The following TASP1 variants were observed in gnomAD, a reference collection of about 807,000 sequenced individuals.
The protein encoded by TASP1 is threonine aspartase 1.
A neutral mutation model predicts 56.6 loss-of-function variants in TASP1; 16 were observed. That is an observed-to-expected ratio of 0.28 (90% CI 0.19 to 0.43). The LOEUF is 0.43. TASP1 is among the 20% of genes least tolerant of loss of function. The probability of loss-of-function intolerance (pLI) is 1.00; values close to 1 mark genes in which losing one functional copy is unlikely to be tolerated. For synonymous variants in TASP1, 179 were observed against 184.2 expected, an observed-to-expected ratio of 0.97 and a Z score of 0.23; for missense variants, 393 against 511.6, an observed-to-expected ratio of 0.77 and a Z score of 2.24.
chr20:13,555,539 A>G (rs1181065507), intron 8 of TASP1, among the ~76,000 whole-genome samples: 1 of 152,168 alleles, frequency 6.6e-6, no homozygotes, highest in African/African-American at 2.4e-5. Context: ...ATGAGATTGT[A>G]GCAATTCAAG....
chr20:13,221,548 G>C, the TASP1 span, among the ~76,000 whole-genome samples: 3 of 144,072 alleles, frequency 2.1e-5, no homozygotes, highest in Non-Finnish European at 4.6e-5. Flanking sequence ...TGGCTCCGCC[G>C]TGGTGCGGCG....
At chr20:13,476,967 T>C (rs1164835264) in intron 11 of TASP1, among the ~76,000 whole-genome samples, 2 of 152,052 alleles carry the variant, frequency 1.3e-5, no homozygotes, top group South Asian at 2.1e-4. Context: ...AATATGCTTA[T>C]CAAATATGAA....
rs955822616 is a variant in TASP1, at chr20:13,417,317, G to A, written c.1170+131C>T. On this transcript the variant is annotated intron_variant, in intron 13 of 13. Coordinates refer to ENST00000337743, the MANE Select transcript of TASP1 (RefSeq NM_017714.3). ...TTAGCATTGTTAACTGTTCTTATTC[G>A]GATGCTTATGAAGACCACAAAGCTA... The A allele has an allele frequency of 1.4e-5, 11 of 771,940 alleles. No homozygotes were observed. In the African/African-American group the frequency reaches 1.6e-4, roughly 11 times the overall value. The allele number at this position is 771,940 out of a possible 1,614,324, so 47.8% of individuals were successfully genotyped here. A position where few individuals can be genotyped will look rare whatever the true frequency, so the allele number is the denominator to read the frequency against.
At chr20:13,274,366 C>T in the TASP1 span, among the ~76,000 whole-genome samples, 1 of 152,192 alleles carries the variant, frequency 6.6e-6, no homozygotes, top group Non-Finnish European at 1.5e-5. Context: ...CATTCCCTCT[C>T]CCTGGGTAGC....
At chr20:13,194,310 A>T in the TASP1 span, among the ~76,000 whole-genome samples, 1 of 151,924 alleles carries the variant, frequency 6.6e-6, no homozygotes, top group African/African-American at 2.4e-5. Flanking sequence ...AGGTGAATAC[A>T]TTGTGCAAAA....
intron 11 of TASP1, among the ~76,000 whole-genome samples, chr20:13,482,500 T>C (rs2043177139): frequency 6.6e-6 from 1 of 152,226 alleles, no homozygotes; most frequent in South Asian, 2.1e-4. Flanking sequence ...TTGGGTACTA[T>C]GGACATTTTA....
At chr20:13,584,083 C>A (rs1044544295) in intron 5 of TASP1, among the ~76,000 whole-genome samples, 2 of 151,976 alleles carry the variant, frequency 1.3e-5, no homozygotes, top group Non-Finnish European at 2.9e-5. Context: ...GACTCCATCT[C>A]AAAAATAAAT....
intron 10 of TASP1, among the ~76,000 whole-genome samples, chr20:13,496,672 G>T (rs918339606): frequency 3.9e-5 from 6 of 152,076 alleles, no homozygotes; most frequent in African/African-American, 1.4e-4. Flanking sequence ...GCCAAAAGAT[G>T]GACAATTTTA....
At chr20:13,123,105 C>T in the TASP1 span, among the ~76,000 whole-genome samples, 29 of 152,178 alleles carry the variant, frequency 1.9e-4, no homozygotes, top group South Asian at 4.2e-4. Flanking sequence ...CCAAGGCCGG[C>T]GGATTACCAG....
chr20:13,279,647 T>A, the TASP1 span: 3 of 1,613,542 alleles, frequency 1.9e-6, no homozygotes, highest in Non-Finnish European at 2.5e-6. Context: ...ACCATAGAGG[T>A]GGTCGACGGT....
At chr20:13,205,958 T>G in the TASP1 span, among the ~76,000 whole-genome samples, 1 of 152,182 alleles carries the variant, frequency 6.6e-6, no homozygotes, top group Non-Finnish European at 1.5e-5. Context: ...TCCTCCTGTC[T>G]GTCATTGTTT....
chr20:13,496,146 C>T lies in TASP1; in HGVS notation c.875-12809G>A, dbSNP rs186335159. Among the ~76,000 whole-genome samples the T allele has an allele frequency of 5.4e-3, 819 of 152,160 alleles. 4 individuals are homozygous for T. Among genetic ancestry groups the T allele is most frequent in the Non-Finnish European group, 9.3e-3 (633 of 68,000 alleles). On this transcript the variant is annotated intron_variant, in intron 10 of 13. Coordinates refer to ENST00000337743, the MANE Select transcript of TASP1 (RefSeq NM_017714.3). ...TCAGCTCACTGCAACCTCTGCTTCC[C>T]GGGTTCAAGCCATTCTCCTGCCTCA...
the TASP1 span, among the ~76,000 whole-genome samples, chr20:13,284,044 A>C: frequency 1.9e-4 from 29 of 152,372 alleles, no homozygotes; most frequent in Admixed American, 6.5e-4. Flanking sequence ...ACCTTAGGCA[A>C]GTACCTTAAC....
the TASP1 span, among the ~76,000 whole-genome samples, chr20:13,141,611 C>A: frequency 6.6e-6 from 1 of 152,212 alleles, no homozygotes; most frequent in Non-Finnish European, 1.5e-5. Flanking sequence ...AGGGCCCCGG[C>A]ATTCAAGGCC....
chr20:13,129,672 C>T, the TASP1 span, among the ~76,000 whole-genome samples: 85 of 152,312 alleles, frequency 5.6e-4, 1 homozygote, highest in African/African-American at 2.0e-3. Context: ...TGCAACTTTG[C>T]AATCATGTCC....
At chr20:13,186,671 C>T in the TASP1 span, among the ~76,000 whole-genome samples, 1 of 152,190 alleles carries the variant, frequency 6.6e-6, no homozygotes, top group Non-Finnish European at 1.5e-5. Context: ...AAAGAGGAAT[C>T]TGCAGGGAAG....
the TASP1 span, among the ~76,000 whole-genome samples, chr20:13,262,076 G>A: frequency 6.6e-6 from 1 of 152,172 alleles, no homozygotes; most frequent in Non-Finnish European, 1.5e-5. Flanking sequence ...TCTTCAAATT[G>A]GGTCCTGGAA....
At chr20:13,170,279 A>C in the TASP1 span, among the ~76,000 whole-genome samples, 1 of 152,144 alleles carries the variant, frequency 6.6e-6, no homozygotes, top group Non-Finnish European at 1.5e-5. Flanking sequence ...TTTTCTTAGA[A>C]TGTTTATCCT....
chr20:13,427,781 A>G (rs1185422284), intron 12 of TASP1, among the ~76,000 whole-genome samples: 1 of 152,194 alleles, frequency 6.6e-6, no homozygotes, highest in Non-Finnish European at 1.5e-5. Flanking sequence ...TTTTAAAAAT[A>G]TATTAAACAT....
Sources: allele counts gnomAD v4.1 joint callset (sites outside exome capture counted in the v4.1 genomes callset), GRCh38; gene constraint gnomAD v4.1.1; transcripts MANE v1.5; gene names NCBI Gene and HGNC (gene_info 2026-07-23, HGNC 2026-07-21).